Variants in PRKG1 observed in about 807,000 individuals in gnomAD.
The protein encoded by PRKG1 is cGMP-dependent protein kinase 1.
In PRKG1, 35 loss-of-function variants were observed where a neutral mutation model predicts 88.1. The observed-to-expected ratio is 0.40, with a 90% CI of 0.30 to 0.53. The LOEUF is 0.53. Ranked by LOEUF, PRKG1 falls within the 20% of genes least tolerant of loss-of-function variation. The pLI, the probability that PRKG1 is intolerant of heterozygous loss-of-function variation, is 0.59. For missense variants in PRKG1, 540 were observed against 839.8 expected (o/e 0.64, Z 4.41); for synonymous variants, 303 against 292.5 (o/e 1.04, Z -0.37).
At chr10:51,031,426 G>A (rs980355556) in intron 1 of PRKG1, among the ~76,000 whole-genome samples, 1 of 152,136 alleles carries the variant, frequency 6.6e-6, no homozygotes, top group Non-Finnish European at 1.5e-5. Context: ...AGAGATGGCA[G>A]CTTCTCAACA....
At chr10:51,074,000 G>C (rs1273147080), upstream of PRKG1, among the ~76,000 whole-genome samples, 1 of 152,060 alleles carries the variant, frequency 6.6e-6, no homozygotes, top group Non-Finnish European at 1.5e-5. Context: ...CGCTAGGATC[G>C]TAGCTCAACA....
At chr10:51,844,683 C>T (rs919288890) in intron 4 of PRKG1, among the ~76,000 whole-genome samples, 9 of 152,098 alleles carry the variant, frequency 5.9e-5, no homozygotes. Flanking sequence ...AATGAAAGAG[C>T]ATCAAACTTT....
intron 2 of PRKG1, among the ~76,000 whole-genome samples, chr10:51,399,246 A>T (rs193110042): frequency 1.0e-3 from 153 of 152,242 alleles, no homozygotes; most frequent in African/African-American, 3.5e-3. Flanking sequence ...TTATAAGGAA[A>T]TGGCTTAGGA....
At chr10:51,105,379 TCTC>T (rs1844807703) in intron 1 of PRKG1, among the ~76,000 whole-genome samples, 1 of 152,150 alleles carries the variant, frequency 6.6e-6, no homozygotes, top group Non-Finnish European at 1.5e-5. Context: ...ATTAGACTGA[TCTC>T]CTACCTTGGA....
intron 2 of PRKG1, among the ~76,000 whole-genome samples, chr10:51,458,433 T>C (rs201872722): frequency 8.1e-5 from 5 of 61,350 alleles, no homozygotes; most frequent in Admixed American, 2.5e-4. Context: ...TTAATAACCC[T>C]TTTTTTTTTT....
chr10:52,071,607 T>C (rs1448020727), intron 7 of PRKG1, among the ~76,000 whole-genome samples: 3 of 148,512 alleles, frequency 2.0e-5, no homozygotes, highest in African/African-American at 7.4e-5. Context: ...CATTTGTCAC[T>C]TCCACCAACT....
intron 1 of PRKG1, among the ~76,000 whole-genome samples, chr10:51,053,529 C>T (rs1843591289): frequency 6.6e-6 from 1 of 152,098 alleles, no homozygotes; most frequent in Non-Finnish European, 1.5e-5. Flanking sequence ...ATACATGCAT[C>T]ACCCCCCATG....
At chr10:51,939,159 C>A (rs1842854282) in intron 5 of PRKG1, among the ~76,000 whole-genome samples, 1 of 152,000 alleles carries the variant, frequency 6.6e-6, no homozygotes, top group Admixed American at 6.6e-5. Flanking sequence ...AGTGTTGCTC[C>A]ATTGTCACCA....
At chr10:51,591,713 A>G (rs906745055) in intron 3 of PRKG1, among the ~76,000 whole-genome samples, 4 of 152,212 alleles carry the variant, frequency 2.6e-5, no homozygotes, top group Admixed American at 6.5e-5. Flanking sequence ...TTCCCATTTG[A>G]ATATTTACAT....
At chr10:51,877,118 T>TC (rs1179074390) in intron 4 of PRKG1, among the ~76,000 whole-genome samples, 2 of 151,926 alleles carry the variant, frequency 1.3e-5, no homozygotes, top group African/African-American at 4.8e-5. Context: ...ATTGTCTTTC[T>TC]CCCCCCATGC....
At chr10:52,252,511 C>T (rs1319397572) in intron 10 of PRKG1, 1 of 152,034 alleles carries the variant, frequency 6.6e-6, no homozygotes, top group African/African-American at 2.4e-5. Flanking sequence ...GACACCAGTA[C>T]AGTATGTGAG....
chr10:52,044,036 C>T (rs188566411), intron 5 of PRKG1, among the ~76,000 whole-genome samples: 52 of 151,984 alleles, frequency 3.4e-4, no homozygotes, highest in African/African-American at 1.2e-3. Context: ...CAACAGTTGT[C>T]TTTGAATCAT....
At position 51,553,984 on chromosome 10, in the gene PRKG1, A is replaced by ATGTGCG. The variant is rs1387067256; in HGVS notation, c.592+86149_592+86150insGTGCGT. Reference sequence around the variant, plus strand: ...TATGTATTAGATACGTGCATATTATATATGCGTATGTGATACGTGCATATT... The same window carrying ATGTGCG: ...TATGTATTAGATACGTGCATATTATATGTGCGTATGCGTATGTGATACGTGCATATT... On this transcript the variant is annotated intron_variant, in intron 3 of 17. Transcript: ENST00000373980. Among the ~76,000 whole-genome samples the ATGTGCG allele has an allele frequency of 7.2e-5, 10 of 138,788 alleles. 1 individual carries two copies. The highest frequency in any genetic ancestry group is 1.4e-4 in the African/African-American group (5 of 36,668). The allele number at this position is 138,788 out of a possible 152,430, so 91.1% of individuals were successfully genotyped here.
chr10:52,116,914 A>G (rs962600309), intron 7 of PRKG1, among the ~76,000 whole-genome samples: 4 of 151,826 alleles, frequency 2.6e-5, no homozygotes, highest in African/African-American at 7.3e-5. Context: ...TTAGTGGCAC[A>G]TTTGGTATTT....
intron 8 of PRKG1, among the ~76,000 whole-genome samples, chr10:52,146,092 T>A (rs1446673233): frequency 6.6e-6 from 1 of 152,236 alleles, no homozygotes; most frequent in Non-Finnish European, 1.5e-5. Flanking sequence ...CATTGTCATC[T>A]AGACAAGAAA....
chr10:51,407,537 C>A (rs1329877044), intron 2 of PRKG1, among the ~76,000 whole-genome samples: 3 of 152,224 alleles, frequency 2.0e-5, no homozygotes, highest in African/African-American at 7.2e-5. Context: ...ATGACAATTA[C>A]AGTCCTTATT....
intron 8 of PRKG1, among the ~76,000 whole-genome samples, chr10:52,136,209 G>A (rs1263038257): frequency 2.6e-5 from 4 of 152,110 alleles, no homozygotes; most frequent in African/African-American, 9.7e-5. Flanking sequence ...TATCCAGGAA[G>A]TTGGAGCAAA....
At chr10:51,045,019 G>A (rs1843469139) in intron 1 of PRKG1, among the ~76,000 whole-genome samples, 1 of 152,160 alleles carries the variant, frequency 6.6e-6, no homozygotes, top group African/African-American at 2.4e-5. Flanking sequence ...AGCTGTTTGT[G>A]TGGCAAGGAA....
intron 3 of PRKG1, among the ~76,000 whole-genome samples, chr10:51,658,912 T>C (rs1303076612): frequency 1.3e-5 from 2 of 152,112 alleles, no homozygotes; most frequent in African/African-American, 4.8e-5. Context: ...CTTTCTACTT[T>C]TGAAAAACAT....
Sources: allele counts gnomAD v4.1 joint callset (sites outside exome capture counted in the v4.1 genomes callset), GRCh38; gene constraint gnomAD v4.1.1; transcripts MANE v1.5; gene names NCBI Gene and HGNC (gene_info 2026-07-23, HGNC 2026-07-21).